MALRD1: variants seen among roughly 807,000 people sequenced by gnomAD.
The protein encoded by MALRD1 is MAM and LDL-receptor class A domain-containing protein 1.
In MALRD1, 247 loss-of-function variants were observed where a neutral mutation model predicts 242.1. The ratio of observed to expected loss-of-function variants is 1.02; its 90% CI spans 0.92 to 1.13. The LOEUF (loss-of-function observed/expected upper bound fraction) is 1.13. Ranked by LOEUF, MALRD1 falls within the 50% of genes most tolerant of loss-of-function variation. MALRD1 has a pLI of 0.00. For missense variants in MALRD1, 2,989 were observed against 2,533.1 expected (o/e 1.18, Z -3.86); for synonymous variants, 995 against 866.6 (o/e 1.15, Z -2.60).
At chr10:19,386,545 T>C (rs1846084036) in intron 26 of MALRD1, among the ~76,000 whole-genome samples, 1 of 152,154 alleles carries the variant, frequency 6.6e-6, no homozygotes, top group African/African-American at 2.4e-5. Context: ...GTTGTAATAT[T>C]GGAGTAGTAT....
rs1023645316 is a variant in MALRD1, at chr10:19,183,182, T to C, written c.1951+7854T>C. Among the ~76,000 whole-genome samples the C allele has an allele frequency of 3.3e-5, 5 of 151,028 alleles. No individual in the cohort carries two copies. In the South Asian group the frequency reaches 1.1e-3, roughly 32 times the overall value. On this transcript the variant is annotated intron_variant, in intron 14 of 39. Transcript: ENST00000454679. Reference sequence around the variant, plus strand: ...TTTATACTGTGAATCTGTTTATTCATAGAAATGCTAATTCTTCATCCCATT... The same window carrying C: ...TTTATACTGTGAATCTGTTTATTCACAGAAATGCTAATTCTTCATCCCATT...
intron 14 of MALRD1, among the ~76,000 whole-genome samples, chr10:19,202,106 G>A (rs759812403): frequency 7.2e-5 from 11 of 151,938 alleles, no homozygotes; most frequent in Non-Finnish European, 1.2e-4. Context: ...GAGCCACGGC[G>A]CCCGACTGAG....
At chr10:19,417,586 G>A (rs947136293) in intron 28 of MALRD1, among the ~76,000 whole-genome samples, 1 of 152,066 alleles carries the variant, frequency 6.6e-6, no homozygotes, top group African/African-American at 2.4e-5. Context: ...TTACTCTTAA[G>A]TAAAGTTTTA....
intron 39 of MALRD1, among the ~76,000 whole-genome samples, chr10:19,732,679 C>T (rs546341734): frequency 6.6e-6 from 1 of 152,054 alleles, no homozygotes; most frequent in African/African-American, 2.4e-5. Flanking sequence ...GTATTAGTGC[C>T]TCATAAACTT....
intron 28 of MALRD1, among the ~76,000 whole-genome samples, chr10:19,389,909 A>G (rs1418186721): frequency 6.6e-6 from 1 of 152,102 alleles, no homozygotes; most frequent in Admixed American, 6.6e-5. Context: ...CAATCCTCCC[A>G]CTTCAACCTC....
intron 18 of MALRD1, among the ~76,000 whole-genome samples, chr10:19,246,397 G>T (rs534380542): frequency 2.6e-5 from 4 of 152,270 alleles, no homozygotes; most frequent in South Asian, 2.1e-4. Flanking sequence ...TATACCCAGA[G>T]GGGGAGACAC....
intron 33 of MALRD1, among the ~76,000 whole-genome samples, chr10:19,570,286 C>T (rs2131470269): frequency 6.6e-6 from 1 of 152,136 alleles, no homozygotes; most frequent in African/African-American, 2.4e-5. Flanking sequence ...ATCAGTACTC[C>T]TCAGACTGGG....
chr10:19,203,936 C>T lies in MALRD1; in HGVS notation c.2104+56C>T, dbSNP rs1588693247. 3.9e-6 allele frequency: 6 copies of T among 1,540,582 alleles called. No individual in the cohort carries two copies. The South Asian group carries it at 7.2e-5, about 18-fold the overall frequency. On this transcript the variant is annotated intron_variant, in intron 15 of 39. Coordinates refer to ENST00000454679, the MANE Select transcript of MALRD1 (RefSeq NM_001142308.3). ...TGCTATTTACTGTTTAGTTAGACTT[C>T]AGAAGAGAAAGGAAAGCTAGTACGG...
intron 2 of MALRD1, among the ~76,000 whole-genome samples, chr10:19,087,192 T>G (rs1382928457): frequency 1.3e-5 from 2 of 152,100 alleles, no homozygotes; most frequent in East Asian, 3.9e-4. Context: ...GCTCCTGCTC[T>G]GTCAAAAGTC....
At chr10:19,539,631 C>G (rs1834844573) in intron 32 of MALRD1, among the ~76,000 whole-genome samples, 1 of 151,882 alleles carries the variant, frequency 6.6e-6, no homozygotes, top group Admixed American at 6.6e-5. Flanking sequence ...TTTGTCTTAC[C>G]AATAGTTGCC....
At chr10:19,682,839 G>A (rs1842427984) in intron 36 of MALRD1, among the ~76,000 whole-genome samples, 1 of 152,190 alleles carries the variant, frequency 6.6e-6, no homozygotes, top group Non-Finnish European at 1.5e-5. Context: ...AGTTGGAAGA[G>A]CAGTACTTTC....
intron 19 of MALRD1, among the ~76,000 whole-genome samples, chr10:19,265,361 C>T (rs1366114550): frequency 4.0e-5 from 6 of 151,466 alleles, no homozygotes; most frequent in African/African-American, 7.3e-5. Flanking sequence ...TTTAGGTATT[C>T]GGTACTATAA....
chr10:19,468,585 G>C (rs1349097080), intron 29 of MALRD1, among the ~76,000 whole-genome samples: 2 of 151,792 alleles, frequency 1.3e-5, no homozygotes, highest in East Asian at 3.9e-4. Context: ...TTGAAATAAA[G>C]TTGAGTAGAA....
chr10:19,447,308 C>A (rs1835051788), intron 28 of MALRD1, among the ~76,000 whole-genome samples: 1 of 152,092 alleles, frequency 6.6e-6, no homozygotes, highest in Non-Finnish European at 1.5e-5. Context: ...AACCTCCATT[C>A]CACATTTAGA....
In MALRD1 at chr10:19,249,154, T is replaced by C. The variant is rs373623558; in HGVS notation, c.2992-8530T>C. On this transcript the variant is annotated intron_variant, in intron 18 of 39. Coordinates refer to ENST00000454679, the MANE Select transcript of MALRD1 (RefSeq NM_001142308.3). ...ATCTAACAAATGAAATTGATATTAC[T>C]CCAGATAGAAAGTGATGCTTGATAA... Among the ~76,000 whole-genome samples the C allele has an allele frequency of 4.6e-5, 7 of 151,448 alleles. 1 individual carries two copies. Among genetic ancestry groups the C allele is most frequent in the African/African-American group, 1.7e-4 (7 of 41,378 alleles).
intron 18 of MALRD1, among the ~76,000 whole-genome samples, chr10:19,243,501 T>A (rs1444818181): frequency 3.3e-5 from 5 of 152,170 alleles, no homozygotes; most frequent in Non-Finnish European, 7.4e-5. Flanking sequence ...GAAGCAGAAT[T>A]TTTGTTGCTC....
At chr10:19,073,008 G>A (rs1300097289) in intron 2 of MALRD1, among the ~76,000 whole-genome samples, 3 of 151,626 alleles carry the variant, frequency 2.0e-5, no homozygotes, top group African/African-American at 4.8e-5. Context: ...TCCCCCTCCT[G>A]GATTCAAGCA....
intron 26 of MALRD1, among the ~76,000 whole-genome samples, chr10:19,383,149 C>A (rs1238941884): frequency 6.6e-6 from 1 of 151,948 alleles, no homozygotes; most frequent in African/African-American, 2.4e-5. Context: ...ATTTTGTCAC[C>A]CAGGTAATCA....
intron 26 of MALRD1, among the ~76,000 whole-genome samples, chr10:19,354,584 A>AT (rs1322520296): frequency 2.1e-4 from 31 of 150,240 alleles, no homozygotes; most frequent in Non-Finnish European, 1.8e-4. Context: ...TTGTGGGATC[A>AT]TTTTTTTTTG....
Sources: gnomAD v4.1 joint callset for allele counts (sites outside exome capture counted in the v4.1 genomes callset) on GRCh38, gnomAD v4.1.1 for gene constraint, MANE v1.5 for transcripts, NCBI Gene and HGNC (gene_info 2026-07-23, HGNC 2026-07-21) for gene names.